The following EHBP1 variants were observed in gnomAD, a reference collection of about 807,000 sequenced individuals.
EHBP1 encodes the protein EH domain binding protein 1.
Under a neutral mutation model 144.0 loss-of-function variants are expected in EHBP1, and 55 were observed. The ratio of observed to expected loss-of-function variants is 0.38; its 90% CI spans 0.31 to 0.48. The LOEUF (loss-of-function observed/expected upper bound fraction) is 0.48. Among genes scored for constraint, EHBP1 ranks in the 20% least tolerant of loss-of-function variants. EHBP1 has a pLI of 0.98. For synonymous variants in EHBP1, 469 were observed against 472.7 expected (o/e 0.99, Z 0.10); for missense variants, 1,200 against 1,364.2 (o/e 0.88, Z 1.90).
At chr2:62,689,360 A>G (rs1282663492) in intron 1 of EHBP1, among the ~76,000 whole-genome samples, 1 of 152,250 alleles carries the variant, frequency 6.6e-6, no homozygotes, top group Non-Finnish European at 1.5e-5. Context: ...ATAATTTTTT[A>G]GGCTTGGTGT....
At chr2:62,943,430 A>G (rs2056889410) in intron 11 of EHBP1, among the ~76,000 whole-genome samples, 1 of 151,528 alleles carries the variant, frequency 6.6e-6, no homozygotes, top group South Asian at 2.1e-4. Flanking sequence ...CAAAGAACTG[A>G]CTTCAAATTA....
At chr2:62,990,346 AAAATG>A (rs553851215) in intron 15 of EHBP1, among the ~76,000 whole-genome samples, 1 of 152,178 alleles carries the variant, frequency 6.6e-6, no homozygotes, top group South Asian at 2.1e-4. Context: ...AATAATATTC[AAAATG>A]AAATGTATCT....
intron 1 of EHBP1, among the ~76,000 whole-genome samples, chr2:62,691,223 A>G (rs953727317): frequency 2.0e-5 from 3 of 152,252 alleles, no homozygotes; most frequent in African/African-American, 7.2e-5. Flanking sequence ...TCTGTCTCAT[A>G]TGAAAGAAGT....
rs1224932727 is a variant in EHBP1 at position 62,915,386 on chromosome 2, A to T, written c.1186-27332A>T. Among the ~76,000 whole-genome samples the T allele has an allele frequency of 2.0e-5, 3 of 152,300 alleles. No individual in the cohort carries two copies. In the South Asian group the frequency reaches 6.2e-4, roughly 32 times the overall value. On this transcript the variant is annotated intron_variant, in intron 10 of 22. Coordinates refer to ENST00000431489, the MANE Select transcript of EHBP1 (RefSeq NM_001142616.3). ...TATCTCACTTAAATTACATTCAATA[A>T]TAGGGCTATAGGAAAAATAGACTTA...
chr2:63,028,667 C>T (rs550090179), intron 19 of EHBP1, among the ~76,000 whole-genome samples: 2 of 152,190 alleles, frequency 1.3e-5, no homozygotes, highest in South Asian at 2.1e-4. Context: ...TTGGAAGGAA[C>T]CTATCTGGAA....
At chr2:62,845,539 T>A (rs1282352582) in intron 7 of EHBP1, among the ~76,000 whole-genome samples, 3 of 152,106 alleles carry the variant, frequency 2.0e-5, no homozygotes, top group Admixed American at 6.6e-5. Context: ...TGGAGATAAG[T>A]AGGTATCCCA....
chr2:62,719,480 G>A (rs2036002167), intron 2 of EHBP1, among the ~76,000 whole-genome samples: 1 of 152,082 alleles, frequency 6.6e-6, no homozygotes, highest in South Asian at 2.1e-4. Flanking sequence ...AGGAGCCCAG[G>A]GGCACTGCAG....
intron 16 of EHBP1, 100 bp from the exon 17 acceptor site, chr2:62,993,430 A>T (rs2059492202): frequency 8.9e-7 from 1 of 1,119,862 alleles, no homozygotes; most frequent in Non-Finnish European, 1.2e-6. Context: ...AAAAGTTTCT[A>T]AATCAGTGTT....
chr2:62,842,376 C>T (rs960842935), intron 7 of EHBP1, among the ~76,000 whole-genome samples: 8 of 152,132 alleles, frequency 5.3e-5, no homozygotes, highest in African/African-American at 7.2e-5. Flanking sequence ...TGAGCCACCG[C>T]GCCTGGCCCT....
intron 2 of EHBP1, among the ~76,000 whole-genome samples, chr2:62,717,706 G>GT (rs1000258028): frequency 1.8e-3 from 273 of 148,842 alleles, no homozygotes; most frequent in Middle Eastern, 0.01. Context: ...TTTTAATAAA[G>GT]TTTTTTTTTT....
At chr2:62,837,666 C>G (rs1430808768) in intron 7 of EHBP1, among the ~76,000 whole-genome samples, 3 of 144,786 alleles carry the variant, frequency 2.1e-5, no homozygotes, top group African/African-American at 5.1e-5. Flanking sequence ...AAATGGAAAA[C>G]AAAAAAAGGC....
At chr2:62,782,926 C>G (rs2042542622) in intron 5 of EHBP1, among the ~76,000 whole-genome samples, 1 of 152,128 alleles carries the variant, frequency 6.6e-6, no homozygotes, top group South Asian at 2.1e-4. Context: ...AAAGTTTTAT[C>G]CGAGACAAGG....
In EHBP1 at chr2:63,045,549, C is replaced by A; in HGVS notation, c.*49C>A. On this transcript the variant is annotated 3_prime_UTR_variant, in exon 23 of 23. Coordinates refer to ENST00000431489, the MANE Select transcript of EHBP1 (RefSeq NM_001142616.3). The surrounding 1 kb of genome is among the most constrained non-coding windows in gnomAD (Gnocchi z 5.7). Reference sequence around the variant, plus strand: ...CCCAACATTTTAGAGTCTTGCTTCCCAAACCAGAAAAAGTCAGACTCATTG... The same window carrying A: ...CCCAACATTTTAGAGTCTTGCTTCCAAAACCAGAAAAAGTCAGACTCATTG... 1 of 1,473,108 alleles carries A rather than the reference C, an allele frequency of 6.8e-7. No individual in the cohort carries two copies. The highest frequency in any genetic ancestry group is 9.4e-7 in the Non-Finnish European group (1 of 1,066,218). 91.3% of individuals were successfully genotyped at this position (1,473,108 alleles called of 1,614,324 possible). A position where few individuals can be genotyped will look rare whatever the true frequency, so the allele number is the denominator to read the frequency against.
intron 10 of EHBP1, among the ~76,000 whole-genome samples, chr2:62,887,904 A>G (rs1283184254): frequency 6.6e-6 from 1 of 152,222 alleles, no homozygotes; most frequent in Non-Finnish European, 1.5e-5. Context: ...TCATTGCTCT[A>G]CATTCATATT....
chr2:62,718,393 C>G (rs931969880), intron 2 of EHBP1, among the ~76,000 whole-genome samples: 1 of 152,220 alleles, frequency 6.6e-6, no homozygotes, highest in Non-Finnish European at 1.5e-5. Context: ...ATTTCAAATG[C>G]TCACTAGCCA....
At chr2:62,771,472 G>A (rs2041657538) in intron 5 of EHBP1, 80 bp downstream of exon 5, 2 of 1,098,224 alleles carry the variant, frequency 1.8e-6, no homozygotes, top group Non-Finnish European at 2.5e-6. Flanking sequence ...GCATTTTGGT[G>A]GTAGGAAAAA....
intron 14 of EHBP1, among the ~76,000 whole-genome samples, chr2:62,957,641 C>CCTTTTT (rs2057768864): frequency 5.7e-5 from 5 of 87,174 alleles, no homozygotes; most frequent in Admixed American, 3.4e-4. Context: ...AAAATAAATG[C>CCTTTTT]TTTTTTTTTT....
intron 5 of EHBP1, among the ~76,000 whole-genome samples, chr2:62,806,452 C>T (rs1314498814): frequency 1.3e-5 from 2 of 151,972 alleles, no homozygotes; most frequent in South Asian, 2.1e-4. Context: ...TTCACTACAG[C>T]CTCAACCTCG....
intron 3 of EHBP1, among the ~76,000 whole-genome samples, chr2:62,759,825 T>A (rs1334040351): frequency 6.6e-6 from 1 of 152,254 alleles, no homozygotes; most frequent in Non-Finnish European, 1.5e-5. Flanking sequence ...CTTGTCATTC[T>A]TTTTCTAGGT....
Sources: allele counts gnomAD v4.1 joint callset (sites outside exome capture counted in the v4.1 genomes callset), GRCh38; gene constraint gnomAD v4.1.1; non-coding constraint Gnocchi (gnomAD v3.1); transcripts MANE v1.5; gene names NCBI Gene and HGNC (gene_info 2026-07-23, HGNC 2026-07-21).